Variants in ARHGAP23 observed in about 807,000 individuals in gnomAD.
ARHGAP23 encodes the protein rho GTPase-activating protein 23.
A neutral mutation model predicts 136.3 loss-of-function variants in ARHGAP23; 34 were observed. That is an observed-to-expected ratio of 0.25 (90% CI 0.19 to 0.33). ARHGAP23 has a LOEUF of 0.33. ARHGAP23 is among the 10% of genes least tolerant of loss of function. ARHGAP23 has a pLI of 1.00. For synonymous variants in ARHGAP23, 832 were observed against 920.5 expected (o/e 0.90, Z 1.74); for missense variants, 1,808 against 2,139.0 (o/e 0.85, Z 3.05).
chr17:38,498,770 T>G (rs2040450864), intron 22 of ARHGAP23, among the ~76,000 whole-genome samples: 1 of 152,190 alleles, frequency 6.6e-6, no homozygotes, highest in African/African-American at 2.4e-5. Context: ...CACTGGTTTC[T>G]TTCCTCAGCC....
At chr17:38,443,436 G>A (rs529940135) in intron 1 of ARHGAP23, among the ~76,000 whole-genome samples, 22 of 152,332 alleles carry the variant, frequency 1.4e-4, no homozygotes, top group Non-Finnish European at 2.2e-4. Flanking sequence ...AACTGGCAGG[G>A]GGAGGCGGGA....
chr17:38,471,423 G>A (rs923504146), intron 10 of ARHGAP23, among the ~76,000 whole-genome samples: 2 of 152,200 alleles, frequency 1.3e-5, no homozygotes, highest in Admixed American at 1.3e-4. Flanking sequence ...TCTGGCTGGA[G>A]TCCTGTTGAG....
chr17:38,475,987 C>T (rs568689823), intron 11 of ARHGAP23, among the ~76,000 whole-genome samples: 1 of 152,244 alleles, frequency 6.6e-6, no homozygotes, highest in East Asian at 1.9e-4. Context: ...GAACAGCAAG[C>T]GGAGAGGCCC....
chr17:38,424,869 C>T (rs2038554796), upstream of ARHGAP23, among the ~76,000 whole-genome samples: 1 of 152,202 alleles, frequency 6.6e-6, no homozygotes, highest in Admixed American at 6.5e-5. Flanking sequence ...ATCTCACATA[C>T]AAAGGACTTC....
Position 38,480,633 on chromosome 17 carries a change from CA to C in ARHGAP23, c.2629+761del, listed in dbSNP as rs547115932. On this transcript the variant is annotated intron_variant, in intron 14 of 23. Transcript: ENST00000622683. ...TGGGTGACAGAGCGAGACTCCATCT[CA>C]AAAAAAAAAATACAATAAAAGTACC... Among the ~76,000 whole-genome samples the C allele has an allele frequency of 5.7e-3, 813 of 142,742 alleles. 8 individuals carry two copies. Among genetic ancestry groups the C allele is most frequent in the African/African-American group, 0.018 (720 of 39,026 alleles). 93.6% of individuals were successfully genotyped at this position (142,742 alleles called of 152,430 possible).
At chr17:38,449,640 CTGGGATGCACGGATCTGTGG>C (rs1379823784) in intron 1 of ARHGAP23, among the ~76,000 whole-genome samples, 6 of 152,178 alleles carry the variant, frequency 3.9e-5, no homozygotes, top group Non-Finnish European at 1.5e-5. Context: ...GCCTGCATGC[CTGGGATGCACGGATCTGTGG>C]TGGGATTTGC....
At chr17:38,446,916 G>A (rs548764730) in intron 1 of ARHGAP23, among the ~76,000 whole-genome samples, 7 of 151,650 alleles carry the variant, frequency 4.6e-5, no homozygotes, top group South Asian at 2.1e-4. Flanking sequence ...TGGGTTCAAG[G>A]GATCCTCCCA....
intron 1 of ARHGAP23, among the ~76,000 whole-genome samples, chr17:38,455,242 GGA>G (rs1384877524): frequency 6.6e-6 from 1 of 152,236 alleles, no homozygotes; most frequent in African/African-American, 2.4e-5. Context: ...TTCCCACAGG[GGA>G]GATGCCAGCT....
At chr17:38,446,812 A>G (rs565957874) in intron 1 of ARHGAP23, among the ~76,000 whole-genome samples, 1 of 151,542 alleles carries the variant, frequency 6.6e-6, no homozygotes, top group East Asian at 1.9e-4. Flanking sequence ...TTTATTTTTT[A>G]TTGCTTTTTT....
At chr17:38,495,290 G>A (rs888224260) in intron 20 of ARHGAP23, among the ~76,000 whole-genome samples, 10 of 149,340 alleles carry the variant, frequency 6.7e-5, no homozygotes, top group African/African-American at 2.2e-4. Flanking sequence ...GGAGTGCAAC[G>A]GCGCGGTCTC....
rs1045156184 is a variant in ARHGAP23 at position 38,477,102 on chromosome 17, G to C, written c.2119-477G>C. Among the ~76,000 whole-genome samples, 5 of 152,130 alleles carry C rather than the reference G, an allele frequency of 3.3e-5. No individual in the cohort carries two copies. The highest frequency in any genetic ancestry group is 1.2e-4 in the African/African-American group (5 of 41,418). On this transcript the variant is annotated intron_variant, in intron 11 of 23. Coordinates refer to ENST00000622683, the MANE Select transcript of ARHGAP23 (RefSeq NM_001199417.2). This position sits in a 1 kb window ranked among gnomAD's most constrained non-coding sequence, Gnocchi z 6.6. ...CCACATGGCGGTTCTGGGTGTCCCT[G>C]AGAAGGAGCTTCTGGGCAAGTGGAG... is the stretch of plus-strand genomic sequence containing the variant.
At chr17:38,505,929 C>CA (rs1040994388) in intron 23 of ARHGAP23, among the ~76,000 whole-genome samples, 5 of 151,626 alleles carry the variant, frequency 3.3e-5, no homozygotes, top group African/African-American at 9.7e-5. Flanking sequence ...ACTCCGTCTC[C>CA]AAAAAAAGAA....
At chr17:38,442,947 A>C (rs1392862199) in intron 1 of ARHGAP23, among the ~76,000 whole-genome samples, 1 of 152,086 alleles carries the variant, frequency 6.6e-6, no homozygotes, top group Non-Finnish European at 1.5e-5. Flanking sequence ...AGCAGAGTCT[A>C]CTCCGATGGG....
rs555168470 is a variant in ARHGAP23, at chr17:38,458,968, G to A, written c.225+705G>A. ...TGTTCTCTGAGTCCAGGAACCAGGG[G>A]TCCTGACCCCAATCCAAGGCTGTGA... is the stretch of plus-strand genomic sequence containing the variant. On this transcript the variant is annotated intron_variant, in intron 2 of 23. Coordinates refer to ENST00000622683, the MANE Select transcript of ARHGAP23 (RefSeq NM_001199417.2). Among the ~76,000 whole-genome samples, 3 of 152,288 alleles carry A rather than the reference G, an allele frequency of 2.0e-5. No individual in the cohort carries two copies. The East Asian group carries it at 5.8e-4, about 29-fold the overall frequency.
At chr17:38,505,784 T>TG (rs1240554209) in intron 23 of ARHGAP23, among the ~76,000 whole-genome samples, 1 of 151,918 alleles carries the variant, frequency 6.6e-6, no homozygotes, top group Non-Finnish European at 1.5e-5. Flanking sequence ...CAAAATTAGC[T>TG]GGGGGTGGTG....
chr17:38,432,919 C>T (rs953947383), intron 1 of ARHGAP23, among the ~76,000 whole-genome samples: 1 of 152,172 alleles, frequency 6.6e-6, no homozygotes, highest in African/African-American at 2.4e-5. Context: ...TCACTGTGTG[C>T]CCTTGGACAA....
chr17:38,475,301 C>A (rs1355611590), intron 11 of ARHGAP23, among the ~76,000 whole-genome samples: 1 of 152,260 alleles, frequency 6.6e-6, no homozygotes, highest in South Asian at 2.1e-4. Flanking sequence ...GTGACCAACT[C>A]TCTCACTCAT....
At chr17:38,431,232 T>C (rs35744942) in intron 1 of ARHGAP23, among the ~76,000 whole-genome samples, 3 of 152,204 alleles carry the variant, frequency 2.0e-5, no homozygotes, top group Admixed American at 6.5e-5. Flanking sequence ...TAGTTGCTTG[T>C]CTTTTGTTCT....
chr17:38,479,930 C>T (rs1404257195), intron 14 of ARHGAP23, 47 bp downstream of exon 14: 6 of 1,107,168 alleles, frequency 5.4e-6, no homozygotes, highest in African/African-American at 1.7e-5. Flanking sequence ...GGGCAGGGGG[C>T]ATGGGGAGGG....
Sources: allele counts gnomAD v4.1 joint callset (sites outside exome capture counted in the v4.1 genomes callset), GRCh38; gene constraint gnomAD v4.1.1; non-coding constraint Gnocchi (gnomAD v3.1); transcripts MANE v1.5; gene names NCBI Gene and HGNC (gene_info 2026-07-23, HGNC 2026-07-21).